Variants in NUP205 observed in about 807,000 individuals in gnomAD.
The protein encoded by NUP205 is nucleoporin 205.
NUP205 carries 76 observed loss-of-function variants against 253.8 expected under a neutral mutation model. The observed-to-expected ratio is 0.30, with a 90% CI of 0.25 to 0.36. The LOEUF (loss-of-function observed/expected upper bound fraction) is 0.36, where lower values mean the gene tolerates loss of function less well. Ranked by LOEUF, NUP205 falls within the 10% of genes least tolerant of loss-of-function variation. NUP205 has a pLI of 1.00. For synonymous variants in NUP205, 832 were observed against 850.1 expected, an observed-to-expected ratio of 0.98 and a Z score of 0.37; for missense variants, 2,162 against 2,425.5, an observed-to-expected ratio of 0.89 and a Z score of 2.28.
intron 10 of NUP205, among the ~76,000 whole-genome samples, chr7:135,588,347 C>G (rs552650800): frequency 6.6e-6 from 1 of 150,830 alleles, no homozygotes; most frequent in Admixed American, 6.6e-5. Context: ...TGCCATGATA[C>G]CCAGGCTGGT....
At chr7:135,607,040 G>T in intron 21 of NUP205, 125 bp downstream of exon 21, 1 of 1,150,758 alleles carries the variant, frequency 8.7e-7, no homozygotes, top group Non-Finnish European at 1.2e-6. Flanking sequence ...GTAATGTGAT[G>T]GATGGGTCAG....
At chr7:135,642,912 G>A (rs905514543) in intron 38 of NUP205, among the ~76,000 whole-genome samples, 5 of 151,234 alleles carry the variant, frequency 3.3e-5, no homozygotes, top group Admixed American at 1.3e-4. Context: ...GTTCTCAAAG[G>A]ACTCTTTGCC....
intron 1 of NUP205, among the ~76,000 whole-genome samples, chr7:135,561,730 G>A (rs1170222821): frequency 6.6e-6 from 1 of 152,050 alleles, no homozygotes; most frequent in Admixed American, 6.6e-5. Flanking sequence ...CACCCATTGT[G>A]TTCTTCACCT....
chr7:135,607,241 A>G lies in NUP205; in HGVS notation c.3071-6A>G. On this transcript the variant is annotated splice_polypyrimidine_tract_variant and splice_region_variant and intron_variant, in intron 21 of 42. Coordinates refer to ENST00000285968, the MANE Select transcript of NUP205 (RefSeq NM_015135.3). ...AAAAGTTGAATTTCTTTTTGGTTTC[A>G]TGCAGGAGTGTTAGGTTGCCCTCGG... 6.2e-7 allele frequency: 1 copy of G among 1,607,734 alleles called. No homozygotes were observed. Among genetic ancestry groups the G allele is most frequent in the Non-Finnish European group, 8.5e-7 (1 of 1,178,468 alleles).
intron 38 of NUP205, 60 bp from the exon 39 acceptor site, chr7:135,643,132 T>C: frequency 6.7e-7 from 1 of 1,496,804 alleles, no homozygotes; most frequent in East Asian, 2.3e-5. Context: ...AACAGGTCAT[T>C]TGAAATTCAT....
At chr7:135,564,321 ACT>A (rs1221507157) in intron 1 of NUP205, among the ~76,000 whole-genome samples, 4 of 146,438 alleles carry the variant, frequency 2.7e-5, no homozygotes, top group African/African-American at 1.0e-4. Flanking sequence ...ATCTCAGGTG[ACT>A]GCAACCTCTG....
chr7:135,621,006 A>C (rs1794460817), intron 30 of NUP205, among the ~76,000 whole-genome samples: 1 of 152,256 alleles, frequency 6.6e-6, no homozygotes, highest in Admixed American at 6.5e-5. Flanking sequence ...CAATCAAGTT[A>C]TTCAGAGTTA....
intron 1 of NUP205, 88 bp from the exon 2 acceptor site, chr7:135,571,017 T>C: frequency 3.6e-6 from 3 of 835,200 alleles, no homozygotes; most frequent in Non-Finnish European, 5.3e-6. Context: ...TAGCTGTGGG[T>C]GTAACTAAAA....
intron 16 of NUP205, 55 bp from the exon 17 acceptor site, chr7:135,601,315 G>T: frequency 1.4e-6 from 2 of 1,476,538 alleles, no homozygotes; most frequent in Non-Finnish European, 1.9e-6. Context: ...ATAAATCAAG[G>T]GTGTGACAAA....
At chr7:135,573,929 G>C in intron 3 of NUP205, 104 bp downstream of exon 3, 1 of 911,314 alleles carries the variant, frequency 1.1e-6, no homozygotes, top group Non-Finnish European at 1.6e-6. Context: ...AGTTTCTAAG[G>C]CTGCAGTTTG....
At chr7:135,567,164 A>C (rs181146774) in intron 1 of NUP205, among the ~76,000 whole-genome samples, 3,796 of 105,324 alleles carry the variant, frequency 0.036, 515 homozygotes, top group South Asian at 0.1. Context: ...ATATATATAT[A>C]TATATATATA....
At chr7:135,619,729 G>A (rs1391126189) in intron 29 of NUP205, 39 bp downstream of exon 29, 1 of 1,596,570 alleles carries the variant, frequency 6.3e-7, no homozygotes, top group Admixed American at 1.8e-5. Flanking sequence ...TCTATCTTTT[G>A]TATTTGTTTT....
At chr7:135,569,025 GTCTTA>G (rs141851504) in intron 1 of NUP205, among the ~76,000 whole-genome samples, 3,818 of 152,266 alleles carry the variant, frequency 0.025, 77 homozygotes, top group South Asian at 0.077. Context: ...AAGATTGTTT[GTCTTA>G]TCTTCTTTGA....
chr7:135,558,126 G>T (rs1238159656), intron 1 of NUP205, 154 bp downstream of exon 1: 16 of 692,948 alleles, frequency 2.3e-5, no homozygotes, highest in Non-Finnish European at 4.2e-5. Flanking sequence ...CCCCTCCCCA[G>T]TTTGAATGGC....
At chr7:135,625,105 A>G (rs1794556664) in intron 31 of NUP205, 59 bp from the exon 32 acceptor site, 6 of 1,246,560 alleles carry the variant, frequency 4.8e-6, no homozygotes, top group African/African-American at 1.5e-5. Context: ...AAATTCAGTT[A>G]CTGTTGTTGA....
Position 135,588,603 on chromosome 7 carries a change from C to T in NUP205, c.1473+611C>T, listed in dbSNP as rs1018190731. The stretch of plus-strand genomic sequence containing the variant: ...TTATTATTTACTTATTTTTAAAAGA[C>T]AGGGCCTTGCTATGATGACCAGGCT... On this transcript the variant is annotated intron_variant, in intron 10 of 42. Transcript: ENST00000285968. Among the ~76,000 whole-genome samples, 13 of 150,544 alleles carry T rather than the reference C, an allele frequency of 8.6e-5. 2 individuals are homozygous for T. The highest frequency in any genetic ancestry group is 1.8e-4 in the Non-Finnish European group (12 of 67,604).
At chr7:135,599,657 T>G (rs1276998594) in intron 15 of NUP205, among the ~76,000 whole-genome samples, 3 of 152,196 alleles carry the variant, frequency 2.0e-5, no homozygotes, top group Non-Finnish European at 4.4e-5. Flanking sequence ...TTAGCCATAT[T>G]CTCTCCAGAT....
chr7:135,564,763 GT>G (rs1264580905), intron 1 of NUP205, among the ~76,000 whole-genome samples: 4 of 151,316 alleles, frequency 2.6e-5, no homozygotes, highest in East Asian at 1.9e-4. Flanking sequence ...TTATTGTTGA[GT>G]TTTTTTGTTT....
intron 30 of NUP205, 90 bp from the exon 31 acceptor site, chr7:135,622,687 C>A: frequency 1.5e-5 from 16 of 1,071,190 alleles, no homozygotes; most frequent in African/African-American, 3.3e-5. Flanking sequence ...TTTTTTTCTT[C>A]CTTAGCTCAT....
Sources: gnomAD v4.1 joint callset for allele counts (sites outside exome capture counted in the v4.1 genomes callset) on GRCh38, gnomAD v4.1.1 for gene constraint, MANE v1.5 for transcripts, NCBI Gene and HGNC (gene_info 2026-07-23, HGNC 2026-07-21) for gene names.